The following STARD3NL variants were observed in gnomAD, a reference collection of about 807,000 sequenced individuals.
The protein encoded by STARD3NL is STARD3 N-terminal like.
A neutral mutation model predicts 30.9 loss-of-function variants in STARD3NL; 17 were observed. The observed-to-expected ratio is 0.55, with a 90% confidence interval of 0.38 to 0.82. The LOEUF is 0.82. Ranked by LOEUF, STARD3NL falls within the 40% of genes least tolerant of loss-of-function variation. STARD3NL has a pLI of 0.00. For synonymous variants in STARD3NL, 112 were observed against 100.5 expected (o/e 1.11, Z -0.69); for missense variants, 234 against 277.6 (o/e 0.84, Z 1.12).
At chr7:38,215,141 A>C in intron 4 of STARD3NL, 36 bp downstream of exon 4, 1 of 1,600,856 alleles carries the variant, frequency 6.2e-7, no homozygotes, top group Non-Finnish European at 8.6e-7. Context: ...CATCTCCTCC[A>C]GTGCTGGTGG....
At chr7:38,183,963 C>A (rs1029159686) in intron 1 of STARD3NL, among the ~76,000 whole-genome samples, 4 of 152,150 alleles carry the variant, frequency 2.6e-5, no homozygotes, top group Non-Finnish European at 1.5e-5. Context: ...TGCTTTCATA[C>A]AATGATAGTT....
chr7:38,225,877 T>A (rs1296687196), intron 7 of STARD3NL, among the ~76,000 whole-genome samples: 1 of 152,234 alleles, frequency 6.6e-6, no homozygotes. Flanking sequence ...CATGTGGATC[T>A]CTTTGTATAT....
intron 2 of STARD3NL, among the ~76,000 whole-genome samples, chr7:38,212,263 C>T (rs566567973): frequency 3.9e-5 from 6 of 152,164 alleles, no homozygotes; most frequent in African/African-American, 9.7e-5. Flanking sequence ...TCCTGGCTCA[C>T]GGTAGATGAG....
intron 1 of STARD3NL, among the ~76,000 whole-genome samples, chr7:38,185,272 T>C (rs1355901760): frequency 6.6e-6 from 1 of 152,228 alleles, no homozygotes; most frequent in African/African-American, 2.4e-5. Context: ...ATCAAGATTT[T>C]GAGACTGACT....
At chr7:38,219,944 C>T (rs1370834467) in intron 7 of STARD3NL, among the ~76,000 whole-genome samples, 1 of 152,124 alleles carries the variant, frequency 6.6e-6, no homozygotes, top group Non-Finnish European at 1.5e-5. Context: ...CTCATTATTG[C>T]GGTTCATCAC....
In STARD3NL at chr7:38,228,800, A is replaced by T. The variant is rs2116467014; in HGVS notation, c.651A>T (p.Gly217=). ...QFYSPPESEA[G]SEEAEEKQDS... is the part of the protein sequence containing the mutation. ...TTTGTCCCCTTCTCCACCACGTAGG[A>T]TCTGAAGAAGCTGAAGAAAAACAGG... The change falls in exon 8 of 9, where the codon GGA becomes GGT. Residue 217 remains glycine, a splice_region_variant and synonymous_variant. Coordinates refer to ENST00000009041, the MANE Select transcript of STARD3NL (RefSeq NM_032016.4). 1.2e-6 allele frequency: 2 copies of T among 1,612,434 alleles called. No individual in the cohort carries two copies. The highest frequency in any genetic ancestry group is 1.7e-4 in the Middle Eastern group (1 of 6,058).
chr7:38,204,309 C>G (rs1030576063), intron 1 of STARD3NL, among the ~76,000 whole-genome samples: 2 of 152,180 alleles, frequency 1.3e-5, no homozygotes, highest in African/African-American at 4.8e-5. Context: ...TGCAATCAAA[C>G]TAGAACTCAG....
At chr7:38,180,108 A>G (rs922785111) in intron 1 of STARD3NL, among the ~76,000 whole-genome samples, 1 of 152,150 alleles carries the variant, frequency 6.6e-6, no homozygotes, top group Non-Finnish European at 1.5e-5. Flanking sequence ...TGTACTGCAG[A>G]GTCTTGTTTT....
At chr7:38,207,132 G>A (rs186868172) in intron 1 of STARD3NL, among the ~76,000 whole-genome samples, 9 of 152,258 alleles carry the variant, frequency 5.9e-5, no homozygotes, top group African/African-American at 1.9e-4. Flanking sequence ...TAACTGAGTC[G>A]TTCACCAAGA....
intron 1 of STARD3NL, among the ~76,000 whole-genome samples, chr7:38,190,534 C>T (rs562870681): frequency 6.6e-5 from 10 of 152,310 alleles, no homozygotes; most frequent in Admixed American, 1.3e-4. Context: ...TATGCCCTTA[C>T]GTTTTTCCGA....
intron 1 of STARD3NL, among the ~76,000 whole-genome samples, chr7:38,187,265 A>T (rs1368369944): frequency 6.6e-6 from 1 of 152,178 alleles, no homozygotes; most frequent in Non-Finnish European, 1.5e-5. Context: ...CATTTTGCCA[A>T]CCTGTAGTCT....
At chr7:38,196,661 A>G (rs1784910113) in intron 1 of STARD3NL, among the ~76,000 whole-genome samples, 1 of 152,202 alleles carries the variant, frequency 6.6e-6, no homozygotes, top group African/African-American at 2.4e-5. Flanking sequence ...TTGAAGTAAT[A>G]CCAAATAACT....
rs1281586095 is a variant in STARD3NL, at chr7:38,203,426, G to A, written c.-58-4021G>A. 3.9e-5 allele frequency among the ~76,000 whole-genome samples: 6 copies of A among 152,172 alleles called. 1 individual carries two copies. Among genetic ancestry groups the A allele is most frequent in the Middle Eastern group, 6.3e-3 (2 of 316 alleles). On this transcript the variant is annotated intron_variant, in intron 1 of 8. Coordinates refer to ENST00000009041, the MANE Select transcript of STARD3NL (RefSeq NM_032016.4). ...TAAAATACTTTACAGATAAGCAAAT[G>A]CTGAGAGATTTTGTCACCACCAGGC...
rs1160705625 is a variant in STARD3NL, at chr7:38,228,766, T to C, written c.650-33T>C. 4 of 1,584,708 alleles carry C rather than the reference T, an allele frequency of 2.5e-6. No individual in the cohort carries two copies. The African/African-American group carries it at 5.4e-5, about 21-fold the overall frequency. On this transcript the variant is annotated intron_variant, in intron 7 of 8. Coordinates refer to ENST00000009041, the MANE Select transcript of STARD3NL (RefSeq NM_032016.4). The stretch of plus-strand genomic sequence containing the variant: ...AGTTTGTTACTGTAATGGAATGAAA[T>C]ACTTTTTCTTTGTCCCCTTCTCCAC...
Position 38,228,795 on chromosome 7 carries a change from G to C in STARD3NL, c.650-4G>C, listed in dbSNP as rs777266145. 6.2e-7 allele frequency: 1 copy of C among 1,611,664 alleles called. No homozygotes were observed. The highest frequency in any genetic ancestry group is 1.1e-5 in the South Asian group (1 of 90,876). On this transcript the variant is annotated splice_polypyrimidine_tract_variant and splice_region_variant and intron_variant, in intron 7 of 8. Coordinates refer to ENST00000009041, the MANE Select transcript of STARD3NL (RefSeq NM_032016.4). ...TTTTCTTTGTCCCCTTCTCCACCAC[G>C]TAGGATCTGAAGAAGCTGAAGAAAA... is the stretch of plus-strand genomic sequence containing the variant.
At chr7:38,178,837 C>T (rs1401832443) in intron 1 of STARD3NL, among the ~76,000 whole-genome samples, 1 of 143,624 alleles carries the variant, frequency 7.0e-6, no homozygotes, top group Non-Finnish European at 1.5e-5. Context: ...TTGTGAGTCT[C>T]TTCTATTCAT....
chr7:38,198,968 GTGATT>G (rs1242317509), intron 1 of STARD3NL, among the ~76,000 whole-genome samples: 1 of 152,210 alleles, frequency 6.6e-6, no homozygotes, highest in African/African-American at 2.4e-5. Context: ...TGAGTTTTTA[GTGATT>G]TGTTAATGTA....
In STARD3NL at chr7:38,228,788, C is replaced by G. The variant is rs888832231; in HGVS notation, c.650-11C>G. The stretch of plus-strand genomic sequence containing the variant: ...AAATACTTTTTCTTTGTCCCCTTCT[C>G]CACCACGTAGGATCTGAAGAAGCTG... On this transcript the variant is annotated splice_polypyrimidine_tract_variant and intron_variant, in intron 7 of 8. Coordinates refer to ENST00000009041, the MANE Select transcript of STARD3NL (RefSeq NM_032016.4). 1 of 1,609,764 alleles carries G rather than the reference C, an allele frequency of 6.2e-7. No homozygotes were observed. Among genetic ancestry groups the G allele is most frequent in the Non-Finnish European group, 8.5e-7 (1 of 1,177,326 alleles).
At chr7:38,203,241 G>A (rs1288592912) in intron 1 of STARD3NL, among the ~76,000 whole-genome samples, 3 of 152,096 alleles carry the variant, frequency 2.0e-5, no homozygotes, top group Non-Finnish European at 2.9e-5. Context: ...GAGAAAGGTC[G>A]GGTTACCCAC....
Sources: allele counts gnomAD v4.1 joint callset (sites outside exome capture counted in the v4.1 genomes callset), GRCh38; gene constraint gnomAD v4.1.1; transcripts MANE v1.5; gene names NCBI Gene and HGNC (gene_info 2026-07-23, HGNC 2026-07-21).